Variants in IMPG2 observed in about 807,000 individuals in gnomAD.
IMPG2 encodes interphotoreceptor matrix proteoglycan 2, also known as IPM 200.
A neutral mutation model predicts 129.2 loss-of-function variants in IMPG2; 91 were observed. That is an observed-to-expected ratio of 0.70 (90% CI 0.59 to 0.84). The LOEUF (loss-of-function observed/expected upper bound fraction) is 0.84, where lower values mean the gene tolerates loss of function less well. Among genes scored for constraint, IMPG2 ranks in the 40% least tolerant of loss-of-function variants. IMPG2 has a pLI of 0.00. For synonymous variants in IMPG2, 510 were observed against 517.7 expected (o/e 0.99, Z 0.20); for missense variants, 1,430 against 1,461.7 (o/e 0.98, Z 0.35).
intron 14 of IMPG2, among the ~76,000 whole-genome samples, chr3:101,237,036 G>T (rs1302171382): frequency 1.3e-5 from 2 of 152,136 alleles, no homozygotes; most frequent in Non-Finnish European, 2.9e-5. Context: ...TGCAGAGAGG[G>T]GCGTCCACCA....
At chr3:101,289,255 T>C (rs1050862545) in intron 4 of IMPG2, among the ~76,000 whole-genome samples, 4 of 152,150 alleles carry the variant, frequency 2.6e-5, no homozygotes, top group African/African-American at 9.6e-5. Context: ...GTTGTTATTG[T>C]AATAATTAAG....
In IMPG2 at chr3:101,225,665, T is replaced by G. The variant is rs1488793783; in HGVS notation, c.*1304A>C. 6.6e-6 allele frequency: 1 copy of G among 152,164 alleles called. No individual in the cohort carries two copies. Among genetic ancestry groups the G allele is most frequent in the Non-Finnish European group, 1.5e-5 (1 of 68,036 alleles). 9.4% of individuals were successfully genotyped at this position (152,164 alleles called of 1,614,324 possible). On this transcript the variant is annotated 3_prime_UTR_variant, in exon 19 of 19. Coordinates refer to ENST00000193391, the MANE Select transcript of IMPG2 (RefSeq NM_016247.4). The stretch of plus-strand genomic sequence containing the variant: ...ATATCTGGTCAGAAATAAATCAAAA[T>G]GTTCAGAATTGGTTTTGGCAAGCAT...
Position 101,304,220 on chromosome 3 carries a change from C to T in IMPG2, c.427G>A (p.Asp143Asn). ...ATTTCAAATATACTTGTGACTCCAT[C>T]CTCACACAAATTCATCCAGTAATGA... ...EYHYWMNLCE[D>N]GVTSIFEMGT... Residue 143 changes from aspartate to asparagine, a missense_variant, in exon 3 of 19, where the codon GAT (aspartate) becomes AAT (asparagine). By Grantham distance (23) the Asp-to-Asn change is conservative (BLOSUM62 1). Transcript: ENST00000193391. 2 of 1,613,880 alleles carry T rather than the reference C, an allele frequency of 1.2e-6. No individual in the cohort carries two copies. Among genetic ancestry groups the T allele is most frequent in the Non-Finnish European group, 1.7e-6 (2 of 1,179,762 alleles).
At chr3:101,279,589 A>G (rs1314903347) in intron 4 of IMPG2, among the ~76,000 whole-genome samples, 1 of 152,228 alleles carries the variant, frequency 6.6e-6, no homozygotes, top group Non-Finnish European at 1.5e-5. Flanking sequence ...GCAACCAGAT[A>G]TAAGGATCAC....
chr3:101,222,994 T>C lies in IMPG2; in HGVS notation c.*3975A>G, dbSNP rs941972772. The stretch of plus-strand genomic sequence containing the variant: ...ATAACTGTGTGGGCTGAGAGCAGTG[T>C]TTTTAACCAGTCTTACTATCCTGAG... On this transcript the variant is annotated 3_prime_UTR_variant, in exon 19 of 19. Transcript: ENST00000193391. 1 of 152,192 alleles carries C rather than the reference T, an allele frequency of 6.6e-6. No individual in the cohort carries two copies. The highest frequency in any genetic ancestry group is 2.4e-5 in the African/African-American group (1 of 41,458). 9.4% of individuals were successfully genotyped at this position (152,192 alleles called of 1,614,324 possible). A position where few individuals can be genotyped will look rare whatever the true frequency, so the allele number is the denominator to read the frequency against.
intron 2 of IMPG2, among the ~76,000 whole-genome samples, chr3:101,305,382 C>T (rs138190599): frequency 2.0e-5 from 3 of 152,186 alleles, no homozygotes; most frequent in East Asian, 3.9e-4. Context: ...AGTGAGAGTA[C>T]TCCATATGAT....
intron 17 of IMPG2, 91 bp downstream of exon 17, chr3:101,229,289 C>T: frequency 1.9e-6 from 2 of 1,048,826 alleles, no homozygotes; most frequent in African/African-American, 1.6e-5. Context: ...TGCACACATA[C>T]ACTCATACAC....
chr3:101,305,438 A>G lies in IMPG2; in HGVS notation c.335-1126T>C, dbSNP rs1206566229. 6.6e-5 allele frequency among the ~76,000 whole-genome samples: 10 copies of G among 152,202 alleles called. No individual in the cohort carries two copies. In the East Asian group the frequency reaches 1.9e-3, roughly 29 times the overall value. ...TCGTTATACATTTGTCAAAACCCAT[A>G]GAATGTACAACACAAAAAGTGAACC... is the stretch of plus-strand genomic sequence containing the variant. On this transcript the variant is annotated intron_variant, in intron 2 of 18. Coordinates refer to ENST00000193391, the MANE Select transcript of IMPG2 (RefSeq NM_016247.4).
intron 11 of IMPG2, among the ~76,000 whole-genome samples, chr3:101,246,315 C>T (rs1275422731): frequency 6.6e-6 from 1 of 152,122 alleles, no homozygotes; most frequent in Non-Finnish European, 1.5e-5. Flanking sequence ...TATATCACCT[C>T]TCACCTGAAA....
At chr3:101,292,150 C>T (rs1559655241) in intron 3 of IMPG2, among the ~76,000 whole-genome samples, 1 of 152,170 alleles carries the variant, frequency 6.6e-6, no homozygotes, top group Non-Finnish European at 1.5e-5. Context: ...CTCTCTGGTG[C>T]CAGGCCTCAA....
intron 14 of IMPG2, among the ~76,000 whole-genome samples, chr3:101,234,393 C>G (rs1706323888): frequency 6.6e-6 from 1 of 151,886 alleles, no homozygotes; most frequent in Non-Finnish European, 1.5e-5. Flanking sequence ...TCAGAGGGAA[C>G]AGGGCCTGGC....
chr3:101,288,757 G>T (rs998422482), intron 4 of IMPG2, among the ~76,000 whole-genome samples: 12 of 151,932 alleles, frequency 7.9e-5, no homozygotes, highest in African/African-American at 2.4e-5. Context: ...TCACTACCTG[G>T]GTCCAATATA....
intron 14 of IMPG2, among the ~76,000 whole-genome samples, chr3:101,241,787 G>T (rs1018375175): frequency 6.6e-6 from 1 of 152,080 alleles, no homozygotes; most frequent in Admixed American, 6.6e-5. Context: ...CAGCACTTTG[G>T]GAGGCCGAGG....
intron 14 of IMPG2, among the ~76,000 whole-genome samples, chr3:101,242,159 T>C (rs1706416089): frequency 6.6e-6 from 1 of 151,752 alleles, no homozygotes; most frequent in Non-Finnish European, 1.5e-5. Context: ...TGGTGAGATA[T>C]GGAAAAGAAG....
chr3:101,309,027 T>C (rs1664427996), intron 2 of IMPG2, among the ~76,000 whole-genome samples: 1 of 152,184 alleles, frequency 6.6e-6, no homozygotes, highest in Non-Finnish European at 1.5e-5. Context: ...TGCTAAGACA[T>C]AGTGAGTCAC....
At chr3:101,253,659 T>C in intron 11 of IMPG2, 37 bp downstream of exon 11, 1 of 1,408,850 alleles carries the variant, frequency 7.1e-7, no homozygotes, top group Non-Finnish European at 1.0e-6. Context: ...AAGAGAAGCT[T>C]GAGGGCCTGG....
chr3:101,249,189 C>A (rs918442886), intron 11 of IMPG2, among the ~76,000 whole-genome samples: 1 of 152,198 alleles, frequency 6.6e-6, no homozygotes, highest in African/African-American at 2.4e-5. Context: ...CATACCTCAA[C>A]ATTCTTTTTT....
At chr3:101,273,867 C>T (rs1706813632) in intron 6 of IMPG2, 125 bp from the exon 7 acceptor site, 5 of 974,232 alleles carry the variant, frequency 5.1e-6, no homozygotes, top group South Asian at 1.5e-5. Context: ...CTTATTATTT[C>T]GTATTTGACT....
rs113855688 is a variant in IMPG2 at position 101,225,015 on chromosome 3, C to T, written c.*1954G>A. On this transcript the variant is annotated 3_prime_UTR_variant, in exon 19 of 19. Coordinates refer to ENST00000193391, the MANE Select transcript of IMPG2 (RefSeq NM_016247.4). ...GGATTTGTGTCCATCTGGAATTCTTCCAGCAAGCACACATTCAAAGAGTTG... is the reference window on the plus strand; with the variant it reads ...GGATTTGTGTCCATCTGGAATTCTTTCAGCAAGCACACATTCAAAGAGTTG... 0.026 allele frequency: 3,990 copies of T among 152,250 alleles called. 171 individuals carry two copies. Among genetic ancestry groups the T allele is most frequent in the African/African-American group, 0.091 (3,776 of 41,524 alleles). 9.4% of individuals were successfully genotyped at this position (152,250 alleles called of 1,614,324 possible).
Sources: allele counts gnomAD v4.1 joint callset (sites outside exome capture counted in the v4.1 genomes callset), GRCh38; gene constraint gnomAD v4.1.1; transcripts MANE v1.5; gene names NCBI Gene and HGNC (gene_info 2026-07-23, HGNC 2026-07-21).